The following ZNF528 variants were observed in gnomAD, a reference collection of about 807,000 sequenced individuals.
The protein encoded by ZNF528 is zinc finger protein 528.
ZNF528 carries 9 observed loss-of-function variants against 13.3 expected under a neutral mutation model. The observed-to-expected ratio is 0.67, with a 90% confidence interval of 0.41 to 1.18. The LOEUF is 1.18. Ranked by LOEUF, ZNF528 falls within the 50% of genes most tolerant of loss-of-function variation. The pLI, the probability that ZNF528 is intolerant of heterozygous loss-of-function variation, is 0.01. For synonymous variants in ZNF528, 264 were observed against 254.3 expected, an observed-to-expected ratio of 1.04 and a Z score of -0.36; for missense variants, 858 against 745.4, an observed-to-expected ratio of 1.15 and a Z score of -1.76.
In ZNF528 at chr19:52,406,582, G is replaced by C; in HGVS notation, c.210G>C (p.Gln70His). ...LEQKRDPWTL[Q>H]SEEKIANDPD... ...AAAAGAGAGATCCCTGGACTCTGCA[G>C]AGTGAAGAGAAAATAGCAAACGATC... is the stretch of plus-strand genomic sequence containing the variant. Residue 70 changes from glutamine (Q) to histidine (H), a missense_variant, in exon 6 of 7, where the codon CAG (glutamine) becomes CAC (histidine). By Grantham distance (24) the Gln-to-His change is conservative. Coordinates refer to ENST00000360465, the MANE Select transcript of ZNF528 (RefSeq NM_032423.3). 6.2e-7 allele frequency: 1 copy of C among 1,614,170 alleles called. No individual in the cohort carries two copies. The highest frequency in any genetic ancestry group is 8.5e-7 in the Non-Finnish European group (1 of 1,180,012).
chr19:52,405,877 C>G (rs760381869), intron 4 of ZNF528, 30 bp from the exon 5 acceptor site: 3 of 1,604,054 alleles, frequency 1.9e-6, no homozygotes, highest in East Asian at 4.5e-5. Flanking sequence ...GTGTGCATAC[C>G]TTGTTGCTGA....
intron 4 of ZNF528, among the ~76,000 whole-genome samples, chr19:52,405,643 TAGAG>T (rs2058846584): frequency 6.8e-6 from 1 of 146,228 alleles, no homozygotes; most frequent in Non-Finnish European, 1.5e-5. Flanking sequence ...AACACTTCTA[TAGAG>T]AGAGATAACC....
At chr19:52,405,865 C>T in intron 4 of ZNF528, 42 bp from the exon 5 acceptor site, 9 of 1,600,190 alleles carry the variant, frequency 5.6e-6, no homozygotes, top group Non-Finnish European at 7.7e-6. Context: ...ACGATGAGTA[C>T]TGTGTGCATA....
At chr19:52,400,006 C>G (rs2058772512) in intron 2 of ZNF528, among the ~76,000 whole-genome samples, 1 of 151,996 alleles carries the variant, frequency 6.6e-6, no homozygotes, top group African/African-American at 2.4e-5. Flanking sequence ...AAGAATTTTC[C>G]AACAGGCCCA....
At chr19:52,404,790 G>C (rs2058835025) in intron 4 of ZNF528, among the ~76,000 whole-genome samples, 1 of 151,124 alleles carries the variant, frequency 6.6e-6, no homozygotes, top group Admixed American at 6.6e-5. Flanking sequence ...GTAGAGACAG[G>C]GTTTTACCAT....
Position 52,415,312 on chromosome 19 carries a change from A to G in ZNF528, c.460A>G (p.Ser154Gly), listed in dbSNP as rs1568430821. The change falls in exon 7 of 7, where the codon AGT (serine) becomes GGT (glycine). Residue 154 changes from serine (S) to glycine (G), a missense_variant. By Grantham distance (56) the Ser-to-Gly change is moderately conservative. Transcript: ENST00000360465. ...TTCACCGCTTGAAAAAATTTCTTCC[A>G]GTGTCAAATCCCACCTTTTAAATAA... ...SVSPLEKISS[S>G]VKSHLLNKYR... 1.2e-6 allele frequency: 2 copies of G among 1,612,758 alleles called. No homozygotes were observed. Among genetic ancestry groups the G allele is most frequent in the Non-Finnish European group, 1.7e-6 (2 of 1,179,630 alleles).
intron 6 of ZNF528, chr19:52,414,057 C>T (rs2058966386): frequency 1.7e-6 from 1 of 596,900 alleles, no homozygotes; most frequent in Admixed American, 2.8e-5. Context: ...AGTTCTGCCC[C>T]ACGTTACCCT....
intron 6 of ZNF528, chr19:52,413,467 G>A (rs118041862): frequency 6.6e-6 from 1 of 152,240 alleles, no homozygotes; most frequent in Non-Finnish European, 1.5e-5. Context: ...AACTACACTC[G>A]TTTGTAATTC....
chr19:52,414,571 T>C (rs1219633076), intron 6 of ZNF528: 3 of 483,346 alleles, frequency 6.2e-6, no homozygotes, highest in Non-Finnish European at 1.1e-5. Flanking sequence ...ATAATTTCAA[T>C]GAGCATGGCA....
At position 52,414,932 on chromosome 19, in the gene ZNF528, C is replaced by A. The variant is rs1292502931; in HGVS notation, c.272-192C>A. 2.6e-6 allele frequency: 4 copies of A among 1,521,366 alleles called. No individual in the cohort carries two copies. In the African/African-American group the frequency reaches 5.5e-5, roughly 21 times the overall value. 94.2% of individuals were successfully genotyped at this position (1,521,366 alleles called of 1,614,324 possible). On this transcript the variant is annotated intron_variant, in intron 6 of 6. Transcript: ENST00000360465. ...AGATTTACCCATAATTCTCTCGACT[C>A]CTGCAGATTCCCCACTGCTCCAATG...
At chr19:52,411,850 C>T (rs1236162458) in intron 6 of ZNF528, 1 of 152,160 alleles carries the variant, frequency 6.6e-6, no homozygotes, top group Non-Finnish European at 1.5e-5. Flanking sequence ...CTGTAAGTCT[C>T]CACCCCATAA....
chr19:52,415,147 A>G lies in ZNF528; in HGVS notation c.295A>G (p.Asn99Asp). Reference protein sequence around the residue: ...NTERSSKLGSNAGNKPCKNQL... With the variant: ...NTERSSKLGSDAGNKPCKNQL... ...AGAGAGGAGCTCTAAATTGGGAAGTAATGCAGGAAACAAGCCTTGTAAAAA... is the reference window on the plus strand; with the variant it reads ...AGAGAGGAGCTCTAAATTGGGAAGTGATGCAGGAAACAAGCCTTGTAAAAA... Residue 99 changes from asparagine (N) to aspartate (D), a missense_variant, in exon 7 of 7, where the codon AAT (asparagine) becomes GAT (aspartate). Coordinates refer to ENST00000360465, the MANE Select transcript of ZNF528 (RefSeq NM_032423.3). 2 of 1,609,368 alleles carry G rather than the reference A, an allele frequency of 1.2e-6. No individual in the cohort carries two copies. The highest frequency in any genetic ancestry group is 1.7e-6 in the Non-Finnish European group (2 of 1,177,410).
At chr19:52,403,346 A>T (rs2058816723) in intron 4 of ZNF528, among the ~76,000 whole-genome samples, 1 of 152,116 alleles carries the variant, frequency 6.6e-6, no homozygotes, top group African/African-American at 2.4e-5. Flanking sequence ...TTGCGAACCA[A>T]ACTAATGATG....
Position 52,416,279 on chromosome 19 carries a change from A to C in ZNF528, c.1427A>C (p.Tyr476Ser). ...ECKECGKVFR[Y>S]KSSLTSHHRI... is the part of the protein sequence containing the mutation. ...AAAGAATGTGGCAAAGTCTTCAGGT[A>C]CAAGTCTTCTCTAACCAGTCATCAT... The change falls in exon 7 of 7, where the codon TAC (tyrosine) becomes TCC (serine). Residue 476 changes from tyrosine (Y) to serine (S), a missense_variant. Physicochemically the swap from Tyr to Ser is moderately radical, Grantham distance 144. Coordinates refer to ENST00000360465, the MANE Select transcript of ZNF528 (RefSeq NM_032423.3). The C allele has an allele frequency of 1.2e-6, 2 of 1,614,098 alleles. No homozygotes were observed. Among genetic ancestry groups the C allele is most frequent in the Non-Finnish European group, 1.7e-6 (2 of 1,179,992 alleles).
Position 52,398,624 on chromosome 19 carries a change from G to A in ZNF528, c.-137+5G>A, listed in dbSNP as rs1425174082. The stretch of plus-strand genomic sequence containing the variant: ...TAACAGAAGGCAAAGTAGAAGGTGA[G>A]TGAGGGGTTTGCAGAGGCACAGTGA... On this transcript the variant is annotated splice_donor_5th_base_variant and intron_variant, in intron 2 of 6. Transcript: ENST00000360465. The A allele has an allele frequency of 2.0e-6, 2 of 985,380 alleles. No homozygotes were observed. The highest frequency in any genetic ancestry group is 1.2e-6 in the Non-Finnish European group (1 of 829,954). The allele number at this position is 985,380 out of a possible 1,614,324, so 61.0% of individuals were successfully genotyped here.
chr19:52,410,051 C>A (rs2058910627), intron 6 of ZNF528, among the ~76,000 whole-genome samples: 1 of 152,150 alleles, frequency 6.6e-6, no homozygotes, highest in South Asian at 2.1e-4. Flanking sequence ...ATCCATCCCC[C>A]CTTGGTTTCC....
At chr19:52,411,016 ATTTGCACTT>A (rs930501597) in intron 6 of ZNF528, among the ~76,000 whole-genome samples, 9 of 152,200 alleles carry the variant, frequency 5.9e-5, no homozygotes, top group African/African-American at 2.2e-4. Flanking sequence ...TGGGGAAGTT[ATTTGCACTT>A]TCTCTGGAGC....
Position 52,416,594 on chromosome 19 carries a change from A to G in ZNF528, c.1742A>G (p.Glu581Gly), listed in dbSNP as rs2059008127. Residue 581 changes from glutamate to glycine, a missense_variant, in exon 7 of 7, where the codon GAA (glutamate) becomes GGA (glycine). Glu to Gly is a moderately conservative substitution (Grantham distance 98, BLOSUM62 -2). Transcript: ENST00000360465. ...HTEKKSHECK[E>G]CGKIFTQKSS... ...GAAAAGAAATCTCATGAGTGTAAAG[A>G]ATGTGGCAAGATCTTCACTCAGAAG... 6.2e-7 allele frequency: 1 copy of G among 1,614,188 alleles called. No homozygotes were observed. Among genetic ancestry groups the G allele is most frequent in the Non-Finnish European group, 8.5e-7 (1 of 1,180,030 alleles).
In ZNF528 at chr19:52,415,871, T is replaced by C; in HGVS notation, c.1019T>C (p.Leu340Pro). The change falls in exon 7 of 7, where the codon CTA (leucine) becomes CCA (proline). Residue 340 changes from leucine to proline, a missense_variant. Transcript: ENST00000360465. Reference sequence around the variant, plus strand: ...AAGGTCTTTAGTCGCCATTCATATCTAGCAGAACATCAAACGGTTCATACT... The same window carrying C: ...AAGGTCTTTAGTCGCCATTCATATCCAGCAGAACATCAAACGGTTCATACT... ...CGKVFSRHSY[L>P]AEHQTVHTGE... is the part of the protein sequence containing the mutation. 1 of 1,614,016 alleles carries C rather than the reference T, an allele frequency of 6.2e-7. No individual in the cohort carries two copies.
Sources: gnomAD v4.1 joint callset for allele counts (sites outside exome capture counted in the v4.1 genomes callset) on GRCh38, gnomAD v4.1.1 for gene constraint, MANE v1.5 for transcripts, NCBI Gene and HGNC (gene_info 2026-07-23, HGNC 2026-07-21) for gene names.